The following ERCC6L variants were observed in gnomAD, a reference collection of about 807,000 sequenced individuals.
The protein encoded by ERCC6L is DNA excision repair protein ERCC-6-like.
Under a neutral mutation model 20.1 loss-of-function variants are expected in ERCC6L, and 7 were observed. The ratio of observed to expected loss-of-function variants is 0.35; its 90% CI spans 0.20 to 0.65. The LOEUF (loss-of-function observed/expected upper bound fraction) is 0.65, where lower values mean the gene tolerates loss of function less well. Among genes scored for constraint, ERCC6L ranks in the 30% least tolerant of loss-of-function variants. ERCC6L has a pLI of 0.69. For synonymous variants in ERCC6L, 278 were observed against 331.3 expected, an observed-to-expected ratio of 0.84 and a Z score of 1.75; for missense variants, 592 against 892.4, an observed-to-expected ratio of 0.66 and a Z score of 4.29.
At position 72,229,092 on chromosome X, in the gene ERCC6L, C is replaced by G. The variant is rs185289438; in HGVS notation, c.68+9752G>C. Among the ~76,000 whole-genome samples, 354 of 111,565 alleles carry G rather than the reference C, an allele frequency of 3.2e-3. 3 individuals carry two copies. The highest frequency in any genetic ancestry group is 0.01 in the African/African-American group (316 of 30,670). ...TCAAACCTATTACAACTCCCTGCAA[C>G]GCCTCAAGCCTCAAGACTCTCCCAT... On this transcript the variant is annotated intron_variant, in intron 1 of 1. Transcript: ENST00000334463.
chrX:72,216,412 G>GT (rs1311014632), intron 1 of ERCC6L, among the ~76,000 whole-genome samples: 1 of 111,743 alleles, frequency 8.9e-6, no homozygotes, highest in Non-Finnish European at 1.9e-5. Flanking sequence ...GAATGTCTAG[G>GT]TTTTTTAAAA....
intron 1 of ERCC6L, among the ~76,000 whole-genome samples, chrX:72,228,024 T>C (rs2042963027): frequency 8.9e-6 from 1 of 112,454 alleles, no homozygotes; most frequent in Admixed American, 9.4e-5. Context: ...TTTCTCAGCA[T>C]TCCACAAGTT....
chrX:72,232,273 TAAAA>T (rs56070381), intron 1 of ERCC6L, among the ~76,000 whole-genome samples: 40 of 61,423 alleles, frequency 6.5e-4, no homozygotes, highest in Middle Eastern at 9.3e-3. Context: ...GAAGGAGTAT[TAAAA>T]AAAAAAAAAA....
intron 1 of ERCC6L, among the ~76,000 whole-genome samples, chrX:72,222,659 G>A (rs901241061): frequency 1.4e-4 from 14 of 102,500 alleles, no homozygotes; most frequent in East Asian, 9.6e-4. Flanking sequence ...ACGCAGTAGC[G>A]CGATCTCAGC....
chrX:72,223,910 G>A (rs984050966), intron 1 of ERCC6L, among the ~76,000 whole-genome samples: 2 of 111,044 alleles, frequency 1.8e-5, no homozygotes, highest in East Asian at 2.9e-4. Flanking sequence ...CTACCAAACC[G>A]TGCCCAACTT....
At chrX:72,229,970 T>C (rs982834474) in intron 1 of ERCC6L, among the ~76,000 whole-genome samples, 3 of 109,927 alleles carry the variant, frequency 2.7e-5, no homozygotes, top group Non-Finnish European at 3.8e-5. Flanking sequence ...AGGCAGGAGA[T>C]AGAGACCATC....
In ERCC6L at chrX:72,224,874, G is replaced by A. The variant is rs144110412; in HGVS notation, c.68+13970C>T. 5.2e-4 allele frequency among the ~76,000 whole-genome samples: 58 copies of A among 111,106 alleles called. 1 individual carries two copies. The East Asian group carries it at 0.015, about 30-fold the overall frequency. ...CAAATCTCACTAAAGGATCCTAAGC[G>A]CTACACAGTGGTCCCACAATATCAC... is the stretch of plus-strand genomic sequence containing the variant. On this transcript the variant is annotated intron_variant, in intron 1 of 1. Transcript: ENST00000334463.
intron 1 of ERCC6L, among the ~76,000 whole-genome samples, chrX:72,236,548 C>A (rs1256828662): frequency 9.0e-6 from 1 of 111,706 alleles, no homozygotes; most frequent in South Asian, 3.7e-4. Context: ...CCTGCCTCGC[C>A]CTCCCAAAGT....
chrX:72,233,733 A>AAAAT lies in ERCC6L; in HGVS notation c.68+5110_68+5111insATTT, dbSNP rs397966881. On this transcript the variant is annotated intron_variant, in intron 1 of 1. Transcript: ENST00000334463. ...CAAGACTCCGTCTCAAAAAAAAAAA[A>AAAAT]TTTGAATATGGACTATGTATTAGAT... Among the ~76,000 whole-genome samples, 9 of 109,133 alleles carry AAAAT rather than the reference A, an allele frequency of 8.2e-5. 1 individual carries two copies. Among genetic ancestry groups the AAAAT allele is most frequent in the African/African-American group, 3.0e-4 (9 of 29,679 alleles). The allele number at this position is 109,133 out of a possible 115,157, so 94.8% of individuals were successfully genotyped here.
intron 1 of ERCC6L, among the ~76,000 whole-genome samples, chrX:72,218,216 G>A (rs1386795462): frequency 2.8e-5 from 3 of 105,823 alleles, no homozygotes; most frequent in Non-Finnish European, 5.8e-5. Flanking sequence ...CTTGCAGTGA[G>A]TCAAGATCGC....
chrX:72,217,832 G>A (rs1274545195), intron 1 of ERCC6L, among the ~76,000 whole-genome samples: 1 of 112,091 alleles, frequency 8.9e-6, no homozygotes, highest in Non-Finnish European at 1.9e-5. Context: ...AAAGAACAGT[G>A]TAGAACTCTT....
rs780525195 is a variant in ERCC6L at position 72,207,771 on chromosome X, G to A, written c.996C>T (p.Asp332=). 7 of 1,208,392 alleles carry A rather than the reference G, an allele frequency of 5.8e-6. No homozygotes were observed. Among genetic ancestry groups the A allele is most frequent in the South Asian group, 3.5e-5 (2 of 56,540 alleles). ...GGTTGCTTGACTTTTTCTTCTGTACGTCTTCTTTAGTCCTCCTGAGAAAAT... is the reference window on the plus strand; with the variant it reads ...GGTTGCTTGACTTTTTCTTCTGTACATCTTCTTTAGTCCTCCTGAGAAAAT... ...KPYFLRRTKE[D]VQKKKSSNPE... Residue 332 remains aspartate (D), a synonymous_variant, in exon 2 of 2, where the codon GAC becomes GAT. Coordinates refer to ENST00000334463, the MANE Select transcript of ERCC6L (RefSeq NM_017669.4).
intron 1 of ERCC6L, 86 bp downstream of exon 1, chrX:72,238,755 GTTC>G: frequency 3.3e-6 from 3 of 896,877 alleles, no homozygotes; most frequent in Non-Finnish European, 4.7e-6. Flanking sequence ...CGCCTCAACA[GTTC>G]GGGTCCCCAG....
Position 72,205,005 on chromosome X carries a change from G to A in ERCC6L, c.*9C>T, listed in dbSNP as rs377194117. The A allele has an allele frequency of 5.5e-5, 64 of 1,159,474 alleles. No individual in the cohort carries two copies. The South Asian group carries it at 1.2e-3, about 21-fold the overall frequency. ...TTTCACTTTAAAATACAATAAACAG[G>A]TTACATTCTCAATTGTTATTAAGTT... is the stretch of plus-strand genomic sequence containing the variant. On this transcript the variant is annotated 3_prime_UTR_variant, in exon 2 of 2. Coordinates refer to ENST00000334463, the MANE Select transcript of ERCC6L (RefSeq NM_017669.4).
At chrX:72,231,426 G>C (rs1381585228) in intron 1 of ERCC6L, among the ~76,000 whole-genome samples, 3 of 111,685 alleles carry the variant, frequency 2.7e-5, no homozygotes, top group African/African-American at 9.8e-5. Context: ...GATGGGGAAA[G>C]GAGAAATGTT....
chrX:72,215,332 T>G (rs1247817526), intron 1 of ERCC6L, among the ~76,000 whole-genome samples: 2 of 111,721 alleles, frequency 1.8e-5, no homozygotes, highest in African/African-American at 6.5e-5. Flanking sequence ...CTTGTCAAAA[T>G]TCACCAAATG....
At chrX:72,219,802 T>C in intron 1 of ERCC6L, among the ~76,000 whole-genome samples, 1 of 107,695 alleles carries the variant, frequency 9.3e-6, no homozygotes, top group Admixed American at 9.9e-5. Flanking sequence ...CGAGTCAAGG[T>C]TGCGCCACTG....
At chrX:72,213,609 G>A (rs1174842651) in intron 1 of ERCC6L, among the ~76,000 whole-genome samples, 1 of 112,117 alleles carries the variant, frequency 8.9e-6, no homozygotes, top group African/African-American at 3.2e-5. Context: ...ATGGCAGGGT[G>A]TCCGCTGCGT....
chrX:72,226,655 T>C (rs766378907), intron 1 of ERCC6L, among the ~76,000 whole-genome samples: 2 of 111,006 alleles, frequency 1.8e-5, no homozygotes, highest in Non-Finnish European at 3.8e-5. Flanking sequence ...CACATTCCAA[T>C]AGGAAACCGT....
Sources: gnomAD v4.1 joint callset for allele counts (sites outside exome capture counted in the v4.1 genomes callset) on GRCh38, gnomAD v4.1.1 for gene constraint, MANE v1.5 for transcripts, NCBI Gene and HGNC (gene_info 2026-07-23, HGNC 2026-07-21) for gene names.